TRUB1: variants seen among roughly 807,000 people sequenced by gnomAD.
The protein encoded by TRUB1 is TruB pseudouridine synthase family member 1, also known as pseudouridylate synthase TRUB1.
Under a neutral mutation model 33.9 loss-of-function variants are expected in TRUB1, and 23 were observed. The ratio of observed to expected loss-of-function variants is 0.68; its 90% CI spans 0.49 to 0.96. The LOEUF is 0.96. Ranked by LOEUF, TRUB1 falls within the 40% of genes least tolerant of loss-of-function variation. The pLI is 0.00. For missense variants in TRUB1, 378 were observed against 422.2 expected (o/e 0.90, Z 0.92); for synonymous variants, 163 against 165.4 (o/e 0.99, Z 0.11).
At chr10:114,955,780 G>A (rs1395996961) in intron 3 of TRUB1, among the ~76,000 whole-genome samples, 2 of 152,090 alleles carry the variant, frequency 1.3e-5, no homozygotes, top group Non-Finnish European at 2.9e-5. Flanking sequence ...AGTCCAGTTT[G>A]TACCTTTTCT....
rs573882109 is a variant in TRUB1, at chr10:114,956,076, C to T, written c.442-3650C>T. ...CTGTAGTAGAAACATTTTTCTTTCTCCTAAACAGAACAGAAGCTGATTTGC... is the reference window on the plus strand; with the variant it reads ...CTGTAGTAGAAACATTTTTCTTTCTTCTAAACAGAACAGAAGCTGATTTGC... On this transcript the variant is annotated intron_variant, in intron 3 of 7. Transcript: ENST00000298746. 1.1e-4 allele frequency among the ~76,000 whole-genome samples: 16 copies of T among 152,256 alleles called. No homozygotes were observed. The South Asian group carries it at 3.1e-3, about 30-fold the overall frequency.
chr10:114,944,910 G>A (rs1240536896), intron 2 of TRUB1, among the ~76,000 whole-genome samples: 1 of 151,970 alleles, frequency 6.6e-6, no homozygotes. Flanking sequence ...ACTGGAGCCT[G>A]GGAAGTTGAG....
intron 4 of TRUB1, chr10:114,969,595 A>G (rs2143026841): frequency 6.6e-6 from 1 of 152,132 alleles, no homozygotes; most frequent in East Asian, 1.9e-4. Context: ...AGATAGTAAA[A>G]GCTTTATGTA....
At chr10:114,960,118 C>T in intron 4 of TRUB1, 1 of 266,426 alleles carries the variant, frequency 3.8e-6, no homozygotes, top group Non-Finnish European at 7.0e-6. Context: ...AAACGAGAAA[C>T]AAAGCAGAGA....
At chr10:114,948,393 C>A (rs1214838783) in intron 2 of TRUB1, among the ~76,000 whole-genome samples, 2 of 152,044 alleles carry the variant, frequency 1.3e-5, no homozygotes, top group African/African-American at 4.8e-5. Flanking sequence ...TCATTTTGTT[C>A]TTTTAGTTTT....
intron 1 of TRUB1, 76 bp downstream of exon 1, chr10:114,938,615 T>C: frequency 7.1e-7 from 1 of 1,414,178 alleles, no homozygotes; most frequent in Admixed American, 2.9e-5. Context: ...TTTGCGACGC[T>C]CGTGATTCAA....
rs765177813 is a variant in TRUB1 at position 114,939,281 on chromosome 10, C to T, written c.286+742C>T. On this transcript the variant is annotated intron_variant, in intron 1 of 7. Coordinates refer to ENST00000298746, the MANE Select transcript of TRUB1 (RefSeq NM_139169.5). ...AGCTCGGATGATTTCACACATAAAG[C>T]ATCCAGGATCCTTAAGTTCATTGGA... Among the ~76,000 whole-genome samples the T allele has an allele frequency of 1.2e-4, 18 of 152,310 alleles. No homozygotes were observed. In the Middle Eastern group the frequency reaches 0.017, roughly 144 times the overall value.
intron 2 of TRUB1, among the ~76,000 whole-genome samples, chr10:114,949,393 G>A (rs1408817104): frequency 1.3e-5 from 2 of 152,154 alleles, no homozygotes; most frequent in Non-Finnish European, 2.9e-5. Context: ...GGATTACTGA[G>A]GACAGACTGT....
At chr10:114,950,620 C>CTCTTT (rs1234346142) in intron 2 of TRUB1, among the ~76,000 whole-genome samples, 4 of 152,138 alleles carry the variant, frequency 2.6e-5, no homozygotes, top group Non-Finnish European at 4.4e-5. Flanking sequence ...TGTTATGTTT[C>CTCTTT]TCTTTTCTTG....
chr10:114,962,775 A>G (rs907740773), intron 4 of TRUB1, among the ~76,000 whole-genome samples: 4 of 152,200 alleles, frequency 2.6e-5, no homozygotes, highest in Admixed American at 1.3e-4. Context: ...GGCTGAAACC[A>G]TGTCTCTTTT....
At chr10:114,943,427 G>T (rs2084197928) in intron 2 of TRUB1, among the ~76,000 whole-genome samples, 1 of 152,202 alleles carries the variant, frequency 6.6e-6, no homozygotes, top group African/African-American at 2.4e-5. Context: ...CTACTTGGGA[G>T]GCTGAGGCAG....
At chr10:114,963,756 T>A (rs989597694) in intron 4 of TRUB1, among the ~76,000 whole-genome samples, 1 of 152,202 alleles carries the variant, frequency 6.6e-6, no homozygotes, top group Non-Finnish European at 1.5e-5. Context: ...CTTCCACTTA[T>A]TATATTTTTG....
At position 114,970,419 on chromosome 10, in the gene TRUB1, A is replaced by G; in HGVS notation, c.575A>G (p.Asn192Ser). The G allele has an allele frequency of 1.2e-6, 2 of 1,611,712 alleles. No homozygotes were observed. Among genetic ancestry groups the G allele is most frequent in the Non-Finnish European group, 1.7e-6 (2 of 1,178,254 alleles). Residue 192 changes from asparagine to serine, a missense_variant, in exon 5 of 8, where the codon AAT becomes AGT. Asn to Ser is a conservative substitution (Grantham distance 46, BLOSUM62 1). Coordinates refer to ENST00000298746, the MANE Select transcript of TRUB1 (RefSeq NM_139169.5). ...GGCATTCTACAGAAATTTACTGGAA[A>G]TATAATGCAAGTGCCCCCCCTGTAA... is the stretch of plus-strand genomic sequence containing the variant. ...IEGILQKFTG[N>S]IMQVPPLYSA...
At chr10:114,970,869 T>C (rs1399591453) in intron 5 of TRUB1, among the ~76,000 whole-genome samples, 1 of 152,244 alleles carries the variant, frequency 6.6e-6, no homozygotes, top group Non-Finnish European at 1.5e-5. Context: ...CACAATCTTT[T>C]GCTTCACTAT....
At chr10:114,969,319 G>C (rs1002082209) in intron 4 of TRUB1, 2 of 151,226 alleles carry the variant, frequency 1.3e-5, no homozygotes, top group African/African-American at 4.8e-5. Flanking sequence ...TGTAATCCCA[G>C]CTGCTTGGGA....
chr10:114,947,165 A>C (rs2084214897), intron 2 of TRUB1, among the ~76,000 whole-genome samples: 2 of 152,066 alleles, frequency 1.3e-5, no homozygotes, highest in African/African-American at 4.8e-5. Flanking sequence ...GGCAGCCTCT[A>C]AAAGCTGGAG....
At chr10:114,960,574 A>T (rs1440236386) in intron 4 of TRUB1, among the ~76,000 whole-genome samples, 1 of 152,124 alleles carries the variant, frequency 6.6e-6, no homozygotes, top group East Asian at 1.9e-4. Context: ...ATATTGCCCC[A>T]GTAGTGAGGC....
chr10:114,957,234 A>G (rs1367137020), intron 3 of TRUB1, among the ~76,000 whole-genome samples: 2 of 152,214 alleles, frequency 1.3e-5, no homozygotes, highest in Non-Finnish European at 2.9e-5. Flanking sequence ...TACTTGGAAA[A>G]CAGTGAATAT....
intron 3 of TRUB1, among the ~76,000 whole-genome samples, chr10:114,953,644 CT>C (rs2084247221): frequency 6.6e-6 from 1 of 151,956 alleles, no homozygotes. Flanking sequence ...TTGTGTTAGT[CT>C]GTTTGTGTTG....
Sources: allele counts gnomAD v4.1 joint callset (sites outside exome capture counted in the v4.1 genomes callset), GRCh38; gene constraint gnomAD v4.1.1; transcripts MANE v1.5; gene names NCBI Gene and HGNC (gene_info 2026-07-23, HGNC 2026-07-21).